Variants in GPAT3 observed in about 807,000 individuals in gnomAD.
GPAT3 encodes the protein glycerol-3-phosphate acyltransferase 3.
GPAT3 carries 53 observed loss-of-function variants against 58.8 expected under a neutral mutation model. That is an observed-to-expected ratio of 0.90 (90% confidence interval 0.72 to 1.13). The LOEUF (loss-of-function observed/expected upper bound fraction) is 1.13. Ranked by LOEUF, GPAT3 falls within the 50% of genes most tolerant of loss-of-function variation. The pLI is 0.00. For synonymous variants in GPAT3, 197 were observed against 187.4 expected, an observed-to-expected ratio of 1.05 and a Z score of -0.42; for missense variants, 511 against 527.6, an observed-to-expected ratio of 0.97 and a Z score of 0.31.
chr4:83,604,807 A>G lies in GPAT3; in HGVS notation c.*40A>G. The stretch of plus-strand genomic sequence containing the variant: ...GCCTTTAGATCTAGAACTAGCCCTT[A>G]GAAATGGAATGGCTTTTTTTGTTTT... On this transcript the variant is annotated 3_prime_UTR_variant, in exon 12 of 12. Transcript: ENST00000264409. The G allele has an allele frequency of 6.8e-7, 1 of 1,476,672 alleles. No individual in the cohort carries two copies. The highest frequency in any genetic ancestry group is 9.3e-7 in the Non-Finnish European group (1 of 1,078,686). The allele number at this position is 1,476,672 out of a possible 1,614,324, so 91.5% of individuals were successfully genotyped here. A position where few individuals can be genotyped will look rare whatever the true frequency, so the allele number is the denominator to read the frequency against.
intron 2 of GPAT3, among the ~76,000 whole-genome samples, chr4:83,547,855 T>TC (rs1295526388): frequency 2.7e-5 from 1 of 36,838 alleles, no homozygotes; most frequent in East Asian, 9.7e-4. Flanking sequence ...CTTCTTCCCT[T>TC]TTTTTTTTTT....
chr4:83,550,348 A>G (rs1462481326), intron 2 of GPAT3, among the ~76,000 whole-genome samples: 1 of 152,112 alleles, frequency 6.6e-6, no homozygotes, highest in African/African-American at 2.4e-5. Flanking sequence ...TTTCTTTAGC[A>G]TGGCCAAATG....
At chr4:83,543,724 C>T (rs1314743462) in intron 1 of GPAT3, among the ~76,000 whole-genome samples, 1 of 151,912 alleles carries the variant, frequency 6.6e-6, no homozygotes, top group Non-Finnish European at 1.5e-5. Flanking sequence ...GCTCACTGCA[C>T]CTTCTTCCTC....
intron 2 of GPAT3, among the ~76,000 whole-genome samples, chr4:83,575,549 A>C (rs1466450041): frequency 6.6e-6 from 1 of 152,066 alleles, no homozygotes; most frequent in Non-Finnish European, 1.5e-5. Flanking sequence ...AGCAGCTGGG[A>C]CTACAGGTGC....
chr4:83,561,055 A>C (rs1168712278), intron 2 of GPAT3, among the ~76,000 whole-genome samples: 1 of 152,276 alleles, frequency 6.6e-6, no homozygotes, highest in Non-Finnish European at 1.5e-5. Context: ...AACTGGCGTC[A>C]GGCCTTTACA....
chr4:83,566,227 C>T (rs1029448606), intron 2 of GPAT3, among the ~76,000 whole-genome samples: 11 of 151,996 alleles, frequency 7.2e-5, no homozygotes, highest in African/African-American at 1.9e-4. Flanking sequence ...TTTGTAGAGA[C>T]GGCATTTCAC....
chr4:83,554,801 CTT>C lies in GPAT3; in HGVS notation c.208+10218_208+10219del, dbSNP rs34785812. 1.1e-3 allele frequency among the ~76,000 whole-genome samples: 142 copies of C among 129,934 alleles called. 1 individual carries two copies. Among genetic ancestry groups the C allele is most frequent in the African/African-American group, 2.1e-3 (76 of 35,770 alleles). The allele number at this position is 129,934 out of a possible 152,430, so 85.2% of individuals were successfully genotyped here. A position where few individuals can be genotyped will look rare whatever the true frequency, so the allele number is the denominator to read the frequency against. ...ACATGGAATGGAATGGAAGCTCCCT[CTT>C]TTTTTTTTTTTTTTTTTTGAGATGG... On this transcript the variant is annotated intron_variant, in intron 2 of 11. Transcript: ENST00000264409.
In GPAT3 at chr4:83,597,514, A is replaced by G. The variant is rs147306935; in HGVS notation, c.995A>G (p.Lys332Arg). 23 of 1,514,596 alleles carry G rather than the reference A, an allele frequency of 1.5e-5. No individual in the cohort carries two copies. The African/African-American group carries it at 2.6e-4, about 17-fold the overall frequency. 93.8% of individuals were successfully genotyped at this position (1,514,596 alleles called of 1,614,324 possible). The change falls in exon 9 of 12, where the codon AAG becomes AGG. Residue 332 changes from lysine to arginine, a missense_variant and splice_region_variant. By Grantham distance (26) the Lys-to-Arg change is conservative (BLOSUM62 2). Coordinates refer to ENST00000264409, the MANE Select transcript of GPAT3 (RefSeq NM_032717.5). ...GGAACCATACATCCAGTTGCAATTAAGGTAAAACAGATACCATAATAAGAA... is the reference window on the plus strand; with the variant it reads ...GGAACCATACATCCAGTTGCAATTAGGGTAAAACAGATACCATAATAAGAA... ...IGGTIHPVAI[K>R]YNPQFGDAFW...
intron 10 of GPAT3, 21 bp from the exon 11 acceptor site, chr4:83,598,623 T>A (rs1578201158): frequency 2.6e-5 from 7 of 267,196 alleles, no homozygotes; most frequent in African/African-American, 5.1e-5. Context: ...ATTCTTGCAA[T>A]TTTTTTTTTT....
intron 2 of GPAT3, among the ~76,000 whole-genome samples, chr4:83,566,018 A>G (rs544962847): frequency 6.6e-6 from 1 of 152,268 alleles, no homozygotes; most frequent in South Asian, 2.1e-4. Flanking sequence ...ATTATACTCC[A>G]CTGCTTCAAG....
At chr4:83,580,436 T>C (rs1366538269) in intron 2 of GPAT3, among the ~76,000 whole-genome samples, 2 of 152,222 alleles carry the variant, frequency 1.3e-5, no homozygotes, top group Non-Finnish European at 2.9e-5. Context: ...TGAAGAATGC[T>C]ACAGTGAACA....
intron 6 of GPAT3, among the ~76,000 whole-genome samples, chr4:83,592,003 A>G (rs1220532766): frequency 6.6e-6 from 1 of 152,154 alleles, no homozygotes; most frequent in East Asian, 1.9e-4. Context: ...GAGCCATTTT[A>G]TAAGGGCTTT....
rs1463450739 is a variant in GPAT3, at chr4:83,536,643, C to T, written c.21C>T (p.Ala7=). 2.5e-6 allele frequency: 4 copies of T among 1,612,818 alleles called. No homozygotes were observed. The highest frequency in any genetic ancestry group is 3.4e-6 in the Non-Finnish European group (4 of 1,179,942). The change falls in exon 1 of 12, where the codon GCC becomes GCT. Residue 7 remains alanine (A), a synonymous_variant. Coordinates refer to ENST00000264409, the MANE Select transcript of GPAT3 (RefSeq NM_032717.5). MEGAEL[A]GKILSTWLTL... ...GAGTCATGGAGGGCGCAGAGCTGGC[C>T]GGGAAGATCCTTTCCACCTGGCTGA... is the stretch of plus-strand genomic sequence containing the variant.
At chr4:83,571,983 G>A (rs1725627253) in intron 2 of GPAT3, among the ~76,000 whole-genome samples, 1 of 152,078 alleles carries the variant, frequency 6.6e-6, no homozygotes, top group Admixed American at 6.6e-5. Context: ...ATGTTGGCCA[G>A]GCTGGTCTCA....
Position 83,587,336 on chromosome 4 carries a change from T to G in GPAT3, c.554+7T>G. 1 of 1,611,276 alleles carries G rather than the reference T, an allele frequency of 6.2e-7. No homozygotes were observed. The highest frequency in any genetic ancestry group is 8.5e-7 in the Non-Finnish European group (1 of 1,177,908). ...GGCAGCTGCCAGACAGCAGGTGAAA[T>G]GTTTCCTTCCATCCAGCCATATATA... On this transcript the variant is annotated splice_region_variant and intron_variant, in intron 4 of 11. Transcript: ENST00000264409.
At chr4:83,589,600 T>C (rs1398702927) in intron 5 of GPAT3, among the ~76,000 whole-genome samples, 1 of 152,168 alleles carries the variant, frequency 6.6e-6, no homozygotes, top group Non-Finnish European at 1.5e-5. Context: ...GTGAATTTTC[T>C]CCGTGGATTA....
Position 83,581,543 on chromosome 4 carries a change from C to T in GPAT3, c.209-19C>T, listed in dbSNP as rs1383535082. On this transcript the variant is annotated intron_variant, in intron 2 of 11. Coordinates refer to ENST00000264409, the MANE Select transcript of GPAT3 (RefSeq NM_032717.5). The stretch of plus-strand genomic sequence containing the variant: ...TCTGTCGTATGGCATTTTCTCATGT[C>T]CTGATGCTTTCTTTTAAGGTATTAT... 1 of 1,607,644 alleles carries T rather than the reference C, an allele frequency of 6.2e-7. No individual in the cohort carries two copies. Among genetic ancestry groups the T allele is most frequent in the Admixed American group, 1.7e-5 (1 of 59,244 alleles).
chr4:83,553,525 A>T (rs116307691), intron 2 of GPAT3, among the ~76,000 whole-genome samples: 1 of 152,026 alleles, frequency 6.6e-6, no homozygotes, highest in African/African-American at 2.4e-5. Flanking sequence ...TTAGTCCAAA[A>T]CCCCTCAGCA....
chr4:83,574,503 T>C (rs1047585470), intron 2 of GPAT3, among the ~76,000 whole-genome samples: 2 of 148,980 alleles, frequency 1.3e-5, no homozygotes, highest in East Asian at 2.0e-4. Flanking sequence ...AGATAGACAG[T>C]TGTAATTTTA....
Sources: gnomAD v4.1 joint callset for allele counts (sites outside exome capture counted in the v4.1 genomes callset) on GRCh38, gnomAD v4.1.1 for gene constraint, MANE v1.5 for transcripts, NCBI Gene and HGNC (gene_info 2026-07-23, HGNC 2026-07-21) for gene names.